Variants in TMEM132D observed in about 807,000 individuals in gnomAD.
TMEM132D encodes the protein transmembrane protein 132D, also known as mature OL transmembrane protein.
In TMEM132D, 21 loss-of-function variants were observed where a neutral mutation model predicts 62.3. The observed-to-expected ratio is 0.34, with a 90% CI of 0.24 to 0.49. The LOEUF is 0.49. Among genes scored for constraint, TMEM132D ranks in the 20% least tolerant of loss-of-function variants. The probability of loss-of-function intolerance (pLI) is 0.99; values close to 1 mark genes in which losing one functional copy is unlikely to be tolerated. For missense variants in TMEM132D, 1,346 were observed against 1,402.8 expected (o/e 0.96, Z 0.65); for synonymous variants, 621 against 575.6 (o/e 1.08, Z -1.13).
At chr12:129,289,547 T>TAAAAAAAA (rs59709658) in intron 4 of TMEM132D, among the ~76,000 whole-genome samples, 1 of 92,072 alleles carries the variant, frequency 1.1e-5, no homozygotes, top group Non-Finnish European at 2.3e-5. Flanking sequence ...TCCATCTCAA[T>TAAAAAAAA]AAAAAAAAAA....
chr12:129,340,950 A>C (rs1043680957), intron 3 of TMEM132D, among the ~76,000 whole-genome samples: 3 of 152,322 alleles, frequency 2.0e-5, no homozygotes, highest in African/African-American at 4.8e-5. Context: ...TGAGTTCCCC[A>C]ATAGTTCATC....
chr12:129,782,628 T>G (rs1054767157), intron 1 of TMEM132D, among the ~76,000 whole-genome samples: 4 of 152,172 alleles, frequency 2.6e-5, no homozygotes, highest in South Asian at 2.1e-4. Context: ...TCCTGATAAA[T>G]CCATGTAAGT....
intron 1 of TMEM132D, among the ~76,000 whole-genome samples, chr12:129,782,607 C>T (rs1408773002): frequency 2.0e-5 from 3 of 152,264 alleles, no homozygotes; most frequent in Middle Eastern, 3.2e-3. Context: ...GAAAAGGAAG[C>T]TCAGGTGTAT....
intron 3 of TMEM132D, among the ~76,000 whole-genome samples, chr12:129,353,519 G>C (rs1869941184): frequency 6.6e-6 from 1 of 152,166 alleles, no homozygotes; most frequent in Admixed American, 6.5e-5. Flanking sequence ...AGTCAAATAG[G>C]TAGCTATCAG....
At chr12:129,149,768 A>G (rs1403084938) in intron 5 of TMEM132D, among the ~76,000 whole-genome samples, 1 of 152,146 alleles carries the variant, frequency 6.6e-6, no homozygotes, top group African/African-American at 2.4e-5. Flanking sequence ...GGGGGCTGGG[A>G]GCCAACCACA....
At chr12:129,636,735 TGTGAGA>T (rs1397103919) in intron 2 of TMEM132D, among the ~76,000 whole-genome samples, 1 of 91,360 alleles carries the variant, frequency 1.1e-5, no homozygotes, top group African/African-American at 4.0e-5. Flanking sequence ...TGTGTGTGTG[TGTGAGA>T]GAGAGAGAGA....
chr12:129,606,590 T>C (rs1450163063), intron 2 of TMEM132D, among the ~76,000 whole-genome samples: 14 of 152,026 alleles, frequency 9.2e-5, no homozygotes, highest in Non-Finnish European at 1.6e-4. Flanking sequence ...ACCAAGGTCA[T>C]CCTCCATCAC....
chr12:129,499,115 A>C lies in TMEM132D; in HGVS notation c.1115+31944T>G, dbSNP rs183323732. Among the ~76,000 whole-genome samples, 266 of 152,344 alleles carry C rather than the reference A, an allele frequency of 1.7e-3. 3 individuals are homozygous for C. The highest frequency in any genetic ancestry group is 0.01 in the South Asian group (50 of 4,828). On this transcript the variant is annotated intron_variant, in intron 3 of 8. Transcript: ENST00000422113. ...CTAGTATAGGAAGAGAAAAAGGAAA[A>C]TAACATTATTGCTCTGTGAACCTTA...
intron 2 of TMEM132D, among the ~76,000 whole-genome samples, chr12:129,612,091 G>A (rs1378029382): frequency 6.6e-6 from 1 of 152,170 alleles, no homozygotes; most frequent in East Asian, 1.9e-4. Flanking sequence ...ACAGAAGAAG[G>A]AAGATGCACT....
chr12:129,148,052 C>G (rs981991645), intron 5 of TMEM132D, among the ~76,000 whole-genome samples: 1 of 152,172 alleles, frequency 6.6e-6, no homozygotes, highest in Admixed American at 6.5e-5. Context: ...GACACCCTCA[C>G]CTACATCTCC....
At chr12:129,892,730 G>C (rs1874968945) in intron 1 of TMEM132D, among the ~76,000 whole-genome samples, 1 of 152,150 alleles carries the variant, frequency 6.6e-6, no homozygotes, top group East Asian at 1.9e-4. Flanking sequence ...ACAAGCAGCT[G>C]TGTTGGAGAT....
chr12:129,701,185 C>T (rs1881377375), intron 1 of TMEM132D, among the ~76,000 whole-genome samples: 1 of 152,174 alleles, frequency 6.6e-6, no homozygotes, highest in Non-Finnish European at 1.5e-5. Context: ...CCACCTGATA[C>T]ATATTCCTTT....
chr12:129,223,907 G>T (rs150434970), intron 4 of TMEM132D, among the ~76,000 whole-genome samples: 8 of 152,086 alleles, frequency 5.3e-5, no homozygotes, highest in African/African-American at 1.9e-4. Flanking sequence ...GGCTTTCTCA[G>T]ACTTGACACT....
chr12:129,851,890 A>G (rs1265681611), intron 1 of TMEM132D, among the ~76,000 whole-genome samples: 6 of 152,276 alleles, frequency 3.9e-5, no homozygotes, highest in Non-Finnish European at 8.8e-5. Flanking sequence ...TTTGCCCACC[A>G]TAATTGGAAT....
chr12:129,554,961 T>C (rs10847905), intron 2 of TMEM132D, among the ~76,000 whole-genome samples: 135,394 of 152,204 alleles, frequency 0.89, 60,330 homozygotes, highest in East Asian at 0.99. Flanking sequence ...TAATTCTCTC[T>C]TCTAGCCCTA....
chr12:129,493,826 C>T (rs1040384446), intron 3 of TMEM132D, among the ~76,000 whole-genome samples: 31 of 152,218 alleles, frequency 2.0e-4, no homozygotes, highest in African/African-American at 6.3e-4. Flanking sequence ...CCACCCTGCT[C>T]TGTTGACATG....
intron 2 of TMEM132D, among the ~76,000 whole-genome samples, chr12:129,685,353 G>T (rs1880882298): frequency 6.6e-6 from 1 of 152,184 alleles, no homozygotes; most frequent in Admixed American, 6.5e-5. Flanking sequence ...AGCCACTCTA[G>T]CCAGGGCTAA....
At chr12:129,329,367 AGT>A (rs1187729623) in intron 4 of TMEM132D, among the ~76,000 whole-genome samples, 1 of 152,194 alleles carries the variant, frequency 6.6e-6, no homozygotes, top group African/African-American at 2.4e-5. Context: ...TGTGCTGTGC[AGT>A]GTGACTGAAT....
chr12:129,424,687 G>A (rs57550203), intron 3 of TMEM132D, among the ~76,000 whole-genome samples: 66,617 of 124,434 alleles, frequency 0.54, 17,501 homozygotes, highest in East Asian at 0.75. Context: ...CAGCCTGGGT[G>A]ACAGAGCGAG....
Sources: gnomAD v4.1 joint callset for allele counts (sites outside exome capture counted in the v4.1 genomes callset) on GRCh38, gnomAD v4.1.1 for gene constraint, MANE v1.5 for transcripts, NCBI Gene and HGNC (gene_info 2026-07-23, HGNC 2026-07-21) for gene names.